The following WSCD2 variants were observed in gnomAD, a reference collection of about 807,000 sequenced individuals.
The protein encoded by WSCD2 is sialate:O-sulfotransferase 2.
Under a neutral mutation model 55.7 loss-of-function variants are expected in WSCD2, and 28 were observed. The observed-to-expected ratio is 0.50, with a 90% confidence interval of 0.37 to 0.69. WSCD2 has a LOEUF of 0.69. Ranked by LOEUF, WSCD2 falls within the 30% of genes least tolerant of loss-of-function variation. The pLI, the probability that WSCD2 is intolerant of heterozygous loss-of-function variation, is 0.00. For synonymous variants in WSCD2, 301 were observed against 301.9 expected (o/e 1.00, Z 0.03); for missense variants, 616 against 762.1 (o/e 0.81, Z 2.26).
chr12:108,155,986 A>C (rs2136926049), intron 1 of WSCD2, among the ~76,000 whole-genome samples: 1 of 152,240 alleles, frequency 6.6e-6, no homozygotes, highest in South Asian at 2.1e-4. Context: ...TGTGCCCCCC[A>C]CACACATACC....
chr12:108,149,328 T>G (rs1318094140), intron 1 of WSCD2, among the ~76,000 whole-genome samples: 1 of 152,208 alleles, frequency 6.6e-6, no homozygotes. Flanking sequence ...CGATGTTAAC[T>G]TAATTAAATG....
rs778472418 is a variant in WSCD2 at position 108,196,007 on chromosome 12, G to A, written c.175G>A (p.Ala59Thr). 2 of 1,614,120 alleles carry A rather than the reference G, an allele frequency of 1.2e-6. No homozygotes were observed. The highest frequency in any genetic ancestry group is 1.7e-6 in the Non-Finnish European group (2 of 1,180,054). ...QANPAAAGGP[A>T]EGAELSFLGD... ...GAACCCCGCTGCTGCAGGAGGCCCA[G>A]CTGAGGGTGCTGAGCTGTCCTTCTT... The change falls in exon 2 of 9, where the codon GCT (alanine) becomes ACT (threonine). Residue 59 changes from alanine to threonine, a missense_variant. Ala to Thr is a moderately conservative substitution (Grantham distance 58). This residue lies in a region of WSCD2 where 374 missense variants were observed against 467.4 expected (regional missense o/e 0.80). Coordinates refer to ENST00000547525, the MANE Select transcript of WSCD2 (RefSeq NM_014653.4).
chr12:108,239,961 T>A (rs1889592982), intron 7 of WSCD2, among the ~76,000 whole-genome samples: 1 of 152,140 alleles, frequency 6.6e-6, no homozygotes, highest in Non-Finnish European at 1.5e-5. Flanking sequence ...GAGCAAGCTA[T>A]CCTCCCACCT....
chr12:108,223,423 G>C (rs1345133290), intron 4 of WSCD2, among the ~76,000 whole-genome samples: 1 of 152,020 alleles, frequency 6.6e-6, no homozygotes, highest in Non-Finnish European at 1.5e-5. Flanking sequence ...TCTTCACCTG[G>C]CTAAAATAAC....
At chr12:108,141,666 T>C (rs1876823667) in intron 1 of WSCD2, among the ~76,000 whole-genome samples, 1 of 152,182 alleles carries the variant, frequency 6.6e-6, no homozygotes. Flanking sequence ...CAGGATAATC[T>C]CTCCATCCCA....
intron 1 of WSCD2, among the ~76,000 whole-genome samples, chr12:108,164,583 C>T (rs925972490): frequency 6.6e-6 from 1 of 152,108 alleles, no homozygotes; most frequent in Non-Finnish European, 1.5e-5. Flanking sequence ...GTGCTAGGGA[C>T]ATTCTTGTAC....
intron 1 of WSCD2, among the ~76,000 whole-genome samples, chr12:108,189,182 C>CT: frequency 6.6e-6 from 1 of 152,284 alleles, no homozygotes; most frequent in South Asian, 2.1e-4. Context: ...ATGAATACCA[C>CT]TGATAAGTAG....
intron 8 of WSCD2, among the ~76,000 whole-genome samples, chr12:108,243,494 G>A (rs1593128748): frequency 1.3e-5 from 2 of 152,056 alleles, no homozygotes; most frequent in African/African-American, 4.8e-5. Context: ...TCTGCCTCCC[G>A]AAGTGCTGGG....
intron 5 of WSCD2, among the ~76,000 whole-genome samples, chr12:108,225,800 C>T (rs1164103978): frequency 5.9e-5 from 9 of 152,160 alleles, no homozygotes; most frequent in Non-Finnish European, 1.2e-4. Flanking sequence ...TGGCACTCAG[C>T]GATGTCCAAG....
Position 108,199,374 on chromosome 12 carries a change from T to C in WSCD2, c.382+3160T>C, listed in dbSNP as rs528005834. Among the ~76,000 whole-genome samples the C allele has an allele frequency of 3.4e-4, 52 of 152,244 alleles. 2 individuals are homozygous for C. In the South Asian group the frequency reaches 0.01, roughly 30 times the overall value. Reference sequence around the variant, plus strand: ...AGCTGCACCCAGGCTGAGCTGAGGCTGGGCAGGAGTCTGAGTTCTTTGGTG... The same window carrying C: ...AGCTGCACCCAGGCTGAGCTGAGGCCGGGCAGGAGTCTGAGTTCTTTGGTG... On this transcript the variant is annotated intron_variant, in intron 2 of 8. Transcript: ENST00000547525.
intron 2 of WSCD2, among the ~76,000 whole-genome samples, chr12:108,202,068 C>T (rs779788772): frequency 5.3e-5 from 8 of 152,162 alleles, no homozygotes; most frequent in Non-Finnish European, 8.8e-5. Context: ...GATTCTGCTA[C>T]CACAGCAGGA....
chr12:108,135,053 G>A (rs765104461), intron 1 of WSCD2, among the ~76,000 whole-genome samples: 14 of 152,164 alleles, frequency 9.2e-5, no homozygotes, highest in African/African-American at 2.4e-4. Context: ...GGTTTGGTTC[G>A]CGGAAGTGAA....
At chr12:108,233,573 G>C (rs1260031208) in intron 7 of WSCD2, among the ~76,000 whole-genome samples, 1 of 152,230 alleles carries the variant, frequency 6.6e-6, no homozygotes, top group Non-Finnish European at 1.5e-5. Flanking sequence ...AACCCTGTGA[G>C]GTAGGATGAT....
chr12:108,220,719 G>A (rs1644671175), intron 4 of WSCD2, among the ~76,000 whole-genome samples: 1 of 152,026 alleles, frequency 6.6e-6, no homozygotes, highest in Admixed American at 6.5e-5. Flanking sequence ...ATATATATTT[G>A]TAGAGATAGG....
At chr12:108,214,196 T>C (rs1379636398) in intron 4 of WSCD2, among the ~76,000 whole-genome samples, 2 of 152,222 alleles carry the variant, frequency 1.3e-5, no homozygotes, top group Admixed American at 1.3e-4. Flanking sequence ...TGTGTCCTAA[T>C]TGTGTTTTCC....
chr12:108,235,802 CT>C (rs1889208927), intron 7 of WSCD2, among the ~76,000 whole-genome samples: 1 of 152,148 alleles, frequency 6.6e-6, no homozygotes, highest in African/African-American at 2.4e-5. Context: ...TCATTAGGAG[CT>C]TTAAAATCCT....
intron 1 of WSCD2, among the ~76,000 whole-genome samples, chr12:108,163,304 G>C (rs1362099571): frequency 6.6e-6 from 1 of 152,160 alleles, no homozygotes; most frequent in African/African-American, 2.4e-5. Flanking sequence ...GGGAGGCGGA[G>C]CTTGCAGTGA....
At chr12:108,244,945 C>T (rs1889983039) in intron 8 of WSCD2, among the ~76,000 whole-genome samples, 1 of 151,982 alleles carries the variant, frequency 6.6e-6, no homozygotes. Flanking sequence ...TTTATATATG[C>T]ATGCACAAAC....
Position 108,195,557 on chromosome 12 carries a change from C to T in WSCD2, c.-276C>T, listed in dbSNP as rs1197564586. On this transcript the variant is annotated 5_prime_UTR_variant, in exon 2 of 9. Transcript: ENST00000547525. ...ACAATATGTAGGAAAATGGGACCAA[C>T]TTATGTGTGTTCTGAGCCTCAAAAC... 1 of 478,636 alleles carries T rather than the reference C, an allele frequency of 2.1e-6. No homozygotes were observed. 29.6% of individuals were successfully genotyped at this position (478,636 alleles called of 1,614,324 possible). A position where few individuals can be genotyped will look rare whatever the true frequency, so the allele number is the denominator to read the frequency against.
Sources: allele counts gnomAD v4.1 joint callset (sites outside exome capture counted in the v4.1 genomes callset), GRCh38; gene constraint gnomAD v4.1.1; regional missense constraint gnomAD v4.1.1; transcripts MANE v1.5; gene names NCBI Gene and HGNC (gene_info 2026-07-23, HGNC 2026-07-21).